Variants in IL11RA observed in about 807,000 individuals in gnomAD.
IL11RA encodes the protein interleukin-11 receptor subunit alpha.
Under a neutral mutation model 57.0 loss-of-function variants are expected in IL11RA, and 51 were observed. The observed-to-expected ratio is 0.89, with a 90% confidence interval of 0.71 to 1.13. IL11RA has a LOEUF of 1.13. IL11RA is among the 50% of genes most tolerant of loss of function. IL11RA has a pLI of 0.00. For synonymous variants in IL11RA, 199 were observed against 217.5 expected, an observed-to-expected ratio of 0.91 and a Z score of 0.75; for missense variants, 498 against 539.4, an observed-to-expected ratio of 0.92 and a Z score of 0.76.
In IL11RA at chr9:34,657,476, C is replaced by G. The variant is rs143377309; in HGVS notation, c.535C>G (p.Arg179Gly). The G allele has an allele frequency of 6.2e-7, 1 of 1,614,184 alleles. No individual in the cohort carries two copies. The highest frequency in any genetic ancestry group is 8.5e-7 in the Non-Finnish European group (1 of 1,180,020). ...PCPQDPLGAA[R>G]CVVHGAEFWS... ...CCCACAGGATCCCCTAGGGGCTGCC[C>G]GCTGTGTTGTCCACGGGGCTGAGTT... Residue 179 changes from arginine to glycine, a missense_variant, in exon 7 of 13, where the codon CGC becomes GGC. Transcript: ENST00000441545.
intron 3 of IL11RA, among the ~76,000 whole-genome samples, chr9:34,656,116 C>T (rs1821339550): frequency 1.3e-5 from 2 of 151,504 alleles, no homozygotes; most frequent in Middle Eastern, 3.4e-3. Flanking sequence ...ACTGCAACCT[C>T]TGCCTCCTGG....
Position 34,655,286 on chromosome 9 carries a change from C to G in IL11RA, c.69C>G (p.Ser23=). 3 of 1,610,874 alleles carry G rather than the reference C, an allele frequency of 1.9e-6. No individual in the cohort carries two copies. Among genetic ancestry groups the G allele is most frequent in the Non-Finnish European group, 2.5e-6 (3 of 1,178,384 alleles). ...VAVATALVSA[S]SPCPQAWGPP... The stretch of plus-strand genomic sequence containing the variant: ...TGGCTACAGCCCTGGTGTCTGCCTC[C>G]TCCCCCTGCCCCCAGGCCTGGGGCC... The change falls in exon 2 of 13, where the codon TCC becomes TCG. Residue 23 remains serine, a synonymous_variant. Transcript: ENST00000441545.
chr9:34,660,316 C>T lies in IL11RA; in HGVS notation c.995C>T (p.Thr332Met), dbSNP rs376290527. 1.2e-5 allele frequency: 20 copies of T among 1,614,246 alleles called. No individual in the cohort carries two copies. The East Asian group carries it at 2.0e-4, about 16-fold the overall frequency. The change falls in exon 10 of 13, where the codon ACG becomes ATG. Residue 332 changes from threonine to methionine, a missense_variant. Transcript: ENST00000441545. ...ATACCAGCATGGGGCCAGCTACACACGCAGCCAGAGGTGGAGCCTCAGGTG... is the reference window on the plus strand; with the variant it reads ...ATACCAGCATGGGGCCAGCTACACATGCAGCCAGAGGTGGAGCCTCAGGTG... The part of the protein sequence containing the change: ...KEIPAWGQLH[T>M]QPEVEPQVDS...
intron 12 of IL11RA, 96 bp downstream of exon 12, chr9:34,661,032 T>C: frequency 9.7e-7 from 1 of 1,031,490 alleles, no homozygotes; most frequent in Admixed American, 1.7e-5. Context: ...TTTTAAAACA[T>C]GCTGGGAATC....
At chr9:34,655,509 C>A in intron 2 of IL11RA, 96 bp from the exon 3 acceptor site, 2 of 1,128,988 alleles carry the variant, frequency 1.8e-6, no homozygotes, top group South Asian at 1.3e-5. Context: ...GAGCCCCCCA[C>A]CACCCAGGTT....
At chr9:34,656,345 A>G (rs1821343484) in intron 3 of IL11RA, among the ~76,000 whole-genome samples, 1 of 152,012 alleles carries the variant, frequency 6.6e-6, no homozygotes, top group South Asian at 2.1e-4. Flanking sequence ...GTTACCTTTT[A>G]ATTGGTAGTT....
chr9:34,657,815 G>A (rs1821377838), intron 7 of IL11RA, among the ~76,000 whole-genome samples: 1 of 152,234 alleles, frequency 6.6e-6, no homozygotes. Flanking sequence ...CTGATTGGCT[G>A]CCTAGCCTCA....
chr9:34,655,348 A>G (rs964592732), intron 2 of IL11RA, 31 bp downstream of exon 2: 3 of 1,312,430 alleles, frequency 2.3e-6, no homozygotes, highest in Middle Eastern at 3.8e-4. Flanking sequence ...CAACCTCCCA[A>G]CTCTGACTTG....
rs138648236 is a variant in IL11RA at position 34,658,905 on chromosome 9, G to A, written c.810+222G>A. ...ATGAGGTAAAGCACATCTGTGGGAA[G>A]ATAGCAATGGCTTTTAAAAAAATAA... is the stretch of plus-strand genomic sequence containing the variant. On this transcript the variant is annotated intron_variant, in intron 8 of 12. Coordinates refer to ENST00000441545, the MANE Select transcript of IL11RA (RefSeq NM_001142784.3). The surrounding 1 kb of genome is among the most constrained non-coding windows in gnomAD (Gnocchi z 4.0). Among the ~76,000 whole-genome samples, 746 of 152,236 alleles carry A rather than the reference G, an allele frequency of 4.9e-3. 7 individuals carry two copies. The highest frequency in any genetic ancestry group is 0.017 in the African/African-American group (707 of 41,538).
In IL11RA at chr9:34,655,617, G is replaced by C; in HGVS notation, c.113G>C (p.Gly38Ala). The C allele has an allele frequency of 6.2e-7, 1 of 1,614,106 alleles. No homozygotes were observed. The highest frequency in any genetic ancestry group is 1.7e-5 in the Admixed American group (1 of 60,008). ...QAWGPPGVQY[G>A]QPGRSVKLCC... is the part of the protein sequence containing the mutation. ...GTGCCCTCCACAGGGGTCCAGTATG[G>C]GCAGCCAGGCAGGTCCGTGAAGCTG... The change falls in exon 3 of 13, where the codon GGG (glycine) becomes GCG (alanine). Residue 38 changes from glycine (G) to alanine (A), a missense_variant. Physicochemically the swap from Gly to Ala is moderately conservative, Grantham distance 60. Transcript: ENST00000441545.
In IL11RA at chr9:34,660,838, C is replaced by G; in HGVS notation, c.1170-16C>G. On this transcript the variant is annotated splice_polypyrimidine_tract_variant and intron_variant, in intron 11 of 12. Transcript: ENST00000441545. ...ACCCACATTGTTGGAGAGACAGCTG[C>G]CTTTCTATGCCCCAGGCTGAGGCTG... The G allele has an allele frequency of 6.2e-7, 1 of 1,610,772 alleles. No homozygotes were observed. The highest frequency in any genetic ancestry group is 8.5e-7 in the Non-Finnish European group (1 of 1,176,898).
Position 34,660,363 on chromosome 9 carries a change from C to T in IL11RA, c.1042C>T (p.Pro348Ser), listed in dbSNP as rs759753360. Reference protein sequence around the residue: ...PQVDSPAPPRPSLQPHPRLLD... With the variant: ...PQVDSPAPPRSSLQPHPRLLD... ...GGTGGACAGCCCTGCTCCTCCAAGG[C>T]CCTCCCTCCAACCACACCCTCGGCT... Residue 348 changes from proline to serine, a missense_variant, in exon 10 of 13, where the codon CCC (proline) becomes TCC (serine). Physicochemically the swap from Pro to Ser is moderately conservative, Grantham distance 74 (BLOSUM62 -1). Transcript: ENST00000441545. The T allele has an allele frequency of 3.1e-6, 5 of 1,614,188 alleles. No individual in the cohort carries two copies. In the East Asian group the frequency reaches 1.1e-4, roughly 36 times the overall value.
chr9:34,660,313 A>C lies in IL11RA; in HGVS notation c.992A>C (p.His331Pro), dbSNP rs1306175959. 3 of 1,614,120 alleles carry C rather than the reference A, an allele frequency of 1.9e-6. No homozygotes were observed. Among genetic ancestry groups the C allele is most frequent in the Non-Finnish European group, 2.5e-6 (3 of 1,180,042 alleles). ...PKEIPAWGQL[H>P]TQPEVEPQVD... is the part of the protein sequence containing the mutation. Reference sequence around the variant, plus strand: ...GAGATACCAGCATGGGGCCAGCTACACACGCAGCCAGAGGTGGAGCCTCAG... The same window carrying C: ...GAGATACCAGCATGGGGCCAGCTACCCACGCAGCCAGAGGTGGAGCCTCAG... Residue 331 changes from histidine (H) to proline (P), a missense_variant, in exon 10 of 13, where the codon CAC (histidine) becomes CCC (proline). Physicochemically the swap from His to Pro is moderately conservative, Grantham distance 77. Transcript: ENST00000441545.
chr9:34,659,717 G>T, intron 8 of IL11RA, 42 bp from the exon 9 acceptor site: 1 of 1,613,418 alleles, frequency 6.2e-7, no homozygotes, highest in Non-Finnish European at 8.5e-7. Flanking sequence ...GGAAGGCCCT[G>T]CACTTACAAG....
intron 1 of IL11RA, among the ~76,000 whole-genome samples, chr9:34,654,451 C>T (rs2812352): frequency 4.6e-5 from 7 of 151,994 alleles, no homozygotes; most frequent in Admixed American, 6.6e-5. Context: ...CTCCCCTCCC[C>T]GCCACCCTGT....
intron 9 of IL11RA, among the ~76,000 whole-genome samples, 155 bp downstream of exon 9, chr9:34,660,055 T>A (rs1429235061): frequency 6.6e-6 from 1 of 152,220 alleles, no homozygotes; most frequent in African/African-American, 2.4e-5. Flanking sequence ...TACAGCCCTG[T>A]CTTAGCTTAA....
chr9:34,657,118 G>C lies in IL11RA; in HGVS notation c.415G>C (p.Gly139Arg), dbSNP rs777601555. Residue 139 changes from glycine to arginine, a missense_variant, in exon 5 of 13, where the codon GGT becomes CGT. Coordinates refer to ENST00000441545, the MANE Select transcript of IL11RA (RefSeq NM_001142784.3). ...CACTTGGAGTCCCAGCCAGATCAGC[G>C]GTTTACCCACCCGCTACCTCACCTC... ...SCTWSPSQIS[G>R]LPTRYLTSYR... The C allele has an allele frequency of 1.2e-6, 2 of 1,614,000 alleles. No individual in the cohort carries two copies. Among genetic ancestry groups the C allele is most frequent in the Non-Finnish European group, 8.5e-7 (1 of 1,180,024 alleles).
intron 1 of IL11RA, chr9:34,655,007 GT>G: frequency 1.8e-6 from 1 of 564,510 alleles, no homozygotes; most frequent in Non-Finnish European, 3.3e-6. Context: ...GTGTGTGTGT[GT>G]GTGTGTGTGC....
chr9:34,656,036 T>C (rs11575587), intron 3 of IL11RA: 3,993 of 188,030 alleles, frequency 0.021, 74 homozygotes, highest in East Asian at 0.1. Context: ...AGTGGTTACT[T>C]TTTTTTTTTT....
Sources: gnomAD v4.1 joint callset for allele counts (sites outside exome capture counted in the v4.1 genomes callset) on GRCh38, gnomAD v4.1.1 for gene constraint, Gnocchi (gnomAD v3.1) non-coding constraint, MANE v1.5 for transcripts, NCBI Gene and HGNC (gene_info 2026-07-23, HGNC 2026-07-21) for gene names.